CFAP90: variants seen among roughly 807,000 people sequenced by gnomAD.
CFAP90 encodes the protein cilia- and flagella-associated protein 90.
At chr5:7,847,975 T>G in the CFAP90 span, among the ~76,000 whole-genome samples, 1 of 152,206 alleles carries the variant, frequency 6.6e-6, no homozygotes, top group Non-Finnish European at 1.5e-5. Flanking sequence ...GAATTTTATT[T>G]CCTTTCAACA....
chr5:7,846,949 T>C, the CFAP90 span, among the ~76,000 whole-genome samples: 1 of 152,186 alleles, frequency 6.6e-6, no homozygotes, highest in African/African-American at 2.4e-5. Context: ...TTCACCACGT[T>C]GGCTGGGCTG....
chr5:7,842,808 G>A, the CFAP90 span, among the ~76,000 whole-genome samples: 4 of 152,196 alleles, frequency 2.6e-5, no homozygotes, highest in Non-Finnish European at 5.9e-5. Flanking sequence ...AATCTGATTT[G>A]TAGTATTTGA....
chr5:7,844,616 G>A, the CFAP90 span, among the ~76,000 whole-genome samples: 1 of 152,198 alleles, frequency 6.6e-6, no homozygotes, highest in Non-Finnish European at 1.5e-5. Flanking sequence ...AAATAGGCAG[G>A]GAGAAGGAAA....
chr5:7,839,807 C>T, the CFAP90 span, among the ~76,000 whole-genome samples: 2 of 152,200 alleles, frequency 1.3e-5, no homozygotes, highest in African/African-American at 4.8e-5. Context: ...ATATTCAGAA[C>T]TTTCCAGAGT....
chr5:7,831,488 A>C, the CFAP90 span: 1 of 174,338 alleles, frequency 5.7e-6, no homozygotes, highest in Non-Finnish European at 1.2e-5. Context: ...GCAAATGTAG[A>C]GAGCCAGTGA....
the CFAP90 span, among the ~76,000 whole-genome samples, chr5:7,840,961 G>A: frequency 2.6e-5 from 4 of 152,142 alleles, no homozygotes; most frequent in Non-Finnish European, 5.9e-5. Context: ...GAACCAATCC[G>A]GCTGAATTGC....
the CFAP90 span, among the ~76,000 whole-genome samples, chr5:7,837,759 C>T: frequency 6.6e-6 from 1 of 152,174 alleles, no homozygotes; most frequent in Non-Finnish European, 1.5e-5. Flanking sequence ...ACAACATGGT[C>T]TTTAAGAATT....
At chr5:7,848,442 G>A in the CFAP90 span, among the ~76,000 whole-genome samples, 5 of 152,166 alleles carry the variant, frequency 3.3e-5, no homozygotes, top group Non-Finnish European at 5.9e-5. Flanking sequence ...GTCAGCTGGG[G>A]CTGCACAAAC....
chr5:7,847,319 G>A, the CFAP90 span, among the ~76,000 whole-genome samples: 1 of 152,134 alleles, frequency 6.6e-6, no homozygotes, highest in Admixed American at 6.5e-5. Flanking sequence ...CTCAGAACTT[G>A]AATTTGTTTG....
the CFAP90 span, among the ~76,000 whole-genome samples, chr5:7,845,940 T>TTTTTTTTTTTTTTTTTTTTGA: frequency 1.5e-4 from 22 of 147,656 alleles, no homozygotes; most frequent in Non-Finnish European, 2.4e-4. Context: ...ACTCACATTT[T>TTTTTTTTTTTTTTTTTTTTGA]GCCTTCACCT....
At chr5:7,851,063 C>G in the CFAP90 span, 1 of 1,236,174 alleles carries the variant, frequency 8.1e-7, no homozygotes, top group Non-Finnish European at 1.0e-6. Context: ...GCGGTCCGTC[C>G]CGCCCGCCCA....
At chr5:7,845,228 C>T in the CFAP90 span, among the ~76,000 whole-genome samples, 25 of 152,174 alleles carry the variant, frequency 1.6e-4, no homozygotes, top group Admixed American at 5.2e-4. Flanking sequence ...AATCACCTCC[C>T]ACCAGGTCCC....
the CFAP90 span, among the ~76,000 whole-genome samples, chr5:7,835,963 T>G: frequency 2.6e-5 from 4 of 152,170 alleles, no homozygotes; most frequent in African/African-American, 9.7e-5. Context: ...CCTGTGAGAT[T>G]GGGTGTCAGG....
chr5:7,840,402 G>A, the CFAP90 span, among the ~76,000 whole-genome samples: 3 of 152,164 alleles, frequency 2.0e-5, no homozygotes, highest in Non-Finnish European at 2.9e-5. Flanking sequence ...ACTATGCCAG[G>A]CTCCAGGACA....
At chr5:7,843,806 G>C in the CFAP90 span, among the ~76,000 whole-genome samples, 1 of 152,178 alleles carries the variant, frequency 6.6e-6, no homozygotes, top group Non-Finnish European at 1.5e-5. Flanking sequence ...AAAACGGGGT[G>C]ATTTTGAAAA....
chr5:7,838,580 T>C, the CFAP90 span, among the ~76,000 whole-genome samples: 2 of 152,170 alleles, frequency 1.3e-5, no homozygotes, highest in African/African-American at 2.4e-5. Context: ...TCAGAGACAC[T>C]GGCCAGCCAA....
the CFAP90 span, chr5:7,831,196 C>T: frequency 1.3e-5 from 2 of 152,250 alleles, no homozygotes; most frequent in Non-Finnish European, 2.9e-5. Context: ...CCCCCTCTCT[C>T]TGAGCAGTAA....
At chr5:7,836,658 C>G in the CFAP90 span, among the ~76,000 whole-genome samples, 1 of 152,052 alleles carries the variant, frequency 6.6e-6, no homozygotes, top group Non-Finnish European at 1.5e-5. Flanking sequence ...TCTGTTTGGC[C>G]CACAGAGCAG....
At chr5:7,838,442 A>G in the CFAP90 span, among the ~76,000 whole-genome samples, 3 of 152,224 alleles carry the variant, frequency 2.0e-5, no homozygotes, top group Non-Finnish European at 4.4e-5. Context: ...AGGCTAAGCA[A>G]ACATTTTTGG....
Sources: gnomAD v4.1 joint callset for allele counts (sites outside exome capture counted in the v4.1 genomes callset) on GRCh38, gnomAD v4.1.1 for gene constraint, MANE v1.5 for transcripts, NCBI Gene and HGNC (gene_info 2026-07-23, HGNC 2026-07-21) for gene names.